Variants in GPD2 observed in about 807,000 individuals in gnomAD.
The protein encoded by GPD2 is glycerol-3-phosphate dehydrogenase, mitochondrial.
A neutral mutation model predicts 82.4 loss-of-function variants in GPD2; 54 were observed. That is an observed-to-expected ratio of 0.66 (90% CI 0.53 to 0.82). The LOEUF (loss-of-function observed/expected upper bound fraction) is 0.82. Among genes scored for constraint, GPD2 ranks in the 40% least tolerant of loss-of-function variants. The pLI is 0.00. For synonymous variants in GPD2, 288 were observed against 306.1 expected (o/e 0.94, Z 0.62); for missense variants, 748 against 896.2 (o/e 0.83, Z 2.11).
chr2:156,560,348 G>C (rs1687122885), intron 9 of GPD2, among the ~76,000 whole-genome samples: 1 of 152,184 alleles, frequency 6.6e-6, no homozygotes, highest in Admixed American at 6.6e-5. Context: ...TTTGTAGTCA[G>C]CGAATTGGTG....
Position 156,578,970 on chromosome 2 carries a change from G to C in GPD2, c.1849G>C (p.Glu617Gln). 1.9e-6 allele frequency: 3 copies of C among 1,609,392 alleles called. No homozygotes were observed. The highest frequency in any genetic ancestry group is 2.6e-6 in the Non-Finnish European group (3 of 1,175,938). ...SRSEQLTDRS[E>Q]ISLLPSDIDR... ...ATCAGAACAGTTAACAGATCGCTCT[G>C]AAATTAGCCTACTGCCTTCAGACAT... The change falls in exon 14 of 17, where the codon GAA becomes CAA. Residue 617 changes from glutamate to glutamine, a missense_variant. Physicochemically the swap from Glu to Gln is conservative, Grantham distance 29 (BLOSUM62 2). Transcript: ENST00000438166.
chr2:156,509,236 A>T (rs1377314305), intron 3 of GPD2, among the ~76,000 whole-genome samples: 1 of 152,162 alleles, frequency 6.6e-6, no homozygotes, highest in Non-Finnish European at 1.5e-5. Flanking sequence ...CTTGAATCAA[A>T]GTTCTCTACT....
At chr2:156,400,804 A>C in the GPD2 span, among the ~76,000 whole-genome samples, 9 of 152,200 alleles carry the variant, frequency 5.9e-5, no homozygotes, top group Non-Finnish European at 1.0e-4. Context: ...CGCGCTTCGC[A>C]TGTGTGAGGT....
intron 6 of GPD2, among the ~76,000 whole-genome samples, chr2:156,522,332 T>C (rs568164807): frequency 6.6e-6 from 1 of 152,340 alleles, no homozygotes; most frequent in African/African-American, 2.4e-5. Context: ...GTCATCCATA[T>C]TTGTACTCTG....
intron 9 of GPD2, among the ~76,000 whole-genome samples, chr2:156,562,177 T>C (rs1222593958): frequency 6.6e-6 from 1 of 152,252 alleles, no homozygotes; most frequent in African/African-American, 2.4e-5. Flanking sequence ...TAGTTTTTCC[T>C]GGAGTACTTC....
chr2:156,472,963 C>A (rs1178409855), intron 1 of GPD2, among the ~76,000 whole-genome samples: 1 of 152,134 alleles, frequency 6.6e-6, no homozygotes, highest in Non-Finnish European at 1.5e-5. Context: ...GTGAAATGAG[C>A]TGATGTGTAT....
At chr2:156,538,820 C>CAAAAAA (rs34693625) in intron 6 of GPD2, among the ~76,000 whole-genome samples, 1 of 109,940 alleles carries the variant, frequency 9.1e-6, no homozygotes, top group Non-Finnish European at 1.8e-5. Context: ...GACTGCATCT[C>CAAAAAA]AAAAAAAAAA....
At chr2:156,434,191 C>T (rs1449849639), upstream of GPD2, among the ~76,000 whole-genome samples, 7 of 152,124 alleles carry the variant, frequency 4.6e-5, no homozygotes, top group Non-Finnish European at 2.9e-5. Context: ...GTAACCTCTG[C>T]CTCCCAGGTT....
intron 1 of GPD2, among the ~76,000 whole-genome samples, chr2:156,466,282 T>G (rs913560349): frequency 2.0e-5 from 3 of 152,196 alleles, no homozygotes; most frequent in Non-Finnish European, 4.4e-5. Flanking sequence ...GGAATACAAA[T>G]TCACTTGCGT....
At chr2:156,491,481 C>T (rs531229378) in intron 2 of GPD2, among the ~76,000 whole-genome samples, 10 of 152,188 alleles carry the variant, frequency 6.6e-5, no homozygotes, top group Non-Finnish European at 1.3e-4. Context: ...GAAGTTCATT[C>T]GTGTTGCTGT....
chr2:156,497,166 TGGTGGAC>T (rs1257515890), intron 3 of GPD2, among the ~76,000 whole-genome samples: 1 of 152,142 alleles, frequency 6.6e-6, no homozygotes, highest in Non-Finnish European at 1.5e-5. Flanking sequence ...GTGTATGTGT[TGGTGGAC>T]GGGGGGCAAA....
chr2:156,462,343 T>C (rs2105177470), intron 1 of GPD2, among the ~76,000 whole-genome samples: 1 of 152,218 alleles, frequency 6.6e-6, no homozygotes, highest in East Asian at 1.9e-4. Context: ...TGGAGTCCAA[T>C]GGCGTGATCT....
chr2:156,417,777 G>A, the GPD2 span, among the ~76,000 whole-genome samples: 2 of 152,116 alleles, frequency 1.3e-5, no homozygotes, highest in East Asian at 3.8e-4. Flanking sequence ...CAGCTACTTG[G>A]GAGGCTGAGG....
At chr2:156,523,722 T>G (rs1035913309) in intron 6 of GPD2, among the ~76,000 whole-genome samples, 7 of 132,174 alleles carry the variant, frequency 5.3e-5, no homozygotes, top group Non-Finnish European at 1.2e-4. Context: ...AGATAGATAT[T>G]TTATGGAGAT....
intron 11 of GPD2, 79 bp downstream of exon 11, chr2:156,569,617 GTCTC>G: frequency 6.9e-6 from 7 of 1,020,814 alleles, no homozygotes; most frequent in African/African-American, 1.6e-5. Context: ...CAGCAATCAG[GTCTC>G]CCTGATTGAG....
At chr2:156,474,862 T>A (rs1328248358) in intron 1 of GPD2, among the ~76,000 whole-genome samples, 3 of 151,304 alleles carry the variant, frequency 2.0e-5, no homozygotes, top group African/African-American at 7.3e-5. Context: ...ATGTTTGTAA[T>A]CCTAGCACTT....
At chr2:156,544,740 A>C (rs17265464) in intron 6 of GPD2, among the ~76,000 whole-genome samples, 1 of 152,172 alleles carries the variant, frequency 6.6e-6, no homozygotes, top group Non-Finnish European at 1.5e-5. Flanking sequence ...TACCCGGCTC[A>C]TCTCCTTTTA....
intron 6 of GPD2, among the ~76,000 whole-genome samples, chr2:156,547,176 G>C (rs970028319): frequency 6.6e-6 from 1 of 152,198 alleles, no homozygotes; most frequent in Admixed American, 6.5e-5. Context: ...ATTTTTGTAA[G>C]TAGATGGACA....
At chr2:156,414,767 G>T in the GPD2 span, among the ~76,000 whole-genome samples, 4 of 152,046 alleles carry the variant, frequency 2.6e-5, no homozygotes, top group African/African-American at 9.7e-5. Flanking sequence ...GTTTTTCAAT[G>T]ATTATTATAT....
Sources: allele counts gnomAD v4.1 joint callset (sites outside exome capture counted in the v4.1 genomes callset), GRCh38; gene constraint gnomAD v4.1.1; transcripts MANE v1.5; gene names NCBI Gene and HGNC (gene_info 2026-07-23, HGNC 2026-07-21).